FKBP15: variants seen among roughly 807,000 people sequenced by gnomAD.
FKBP15 encodes the protein FK506-binding protein 15.
In FKBP15, 106 loss-of-function variants were observed where a neutral mutation model predicts 158.1. That is an observed-to-expected ratio of 0.67 (90% CI 0.57 to 0.79). The LOEUF is 0.79. Ranked by LOEUF, FKBP15 falls within the 30% of genes least tolerant of loss-of-function variation. The pLI is 0.00. For missense variants in FKBP15, 1,287 were observed against 1,479.1 expected (o/e 0.87, Z 2.13); for synonymous variants, 547 against 548.6 (o/e 1.00, Z 0.04).
rs1314888960 is a variant in FKBP15 at position 113,169,432 on chromosome 9, A to C, written c.3277T>G (p.Ser1093Ala). 1.9e-6 allele frequency: 3 copies of C among 1,613,770 alleles called. No homozygotes were observed. In the African/African-American group the frequency reaches 4.0e-5, roughly 22 times the overall value. The change falls in exon 26 of 28, where the codon TCC (serine) becomes GCC (alanine). Residue 1093 changes from serine to alanine, a missense_variant. Ser to Ala is a moderately conservative substitution (Grantham distance 99). Coordinates refer to ENST00000238256, the MANE Select transcript of FKBP15 (RefSeq NM_015258.2). ...VAPDGPLQES[S>A]TRLSLTSDPE... is the part of the protein sequence containing the mutation. The stretch of plus-strand genomic sequence containing the variant: ...TCTGAAGTCAGGGACAGTCTTGTGG[A>C]GCTTTCTTGTAGTGGGCCATCTGGT...
chr9:113,194,348 A>G (rs1830630724), intron 9 of FKBP15, among the ~76,000 whole-genome samples, 179 bp from the exon 10 acceptor site: 1 of 152,080 alleles, frequency 6.6e-6, no homozygotes, highest in South Asian at 2.1e-4. Context: ...GCACACCAGC[A>G]TGGCACATGT....
chr9:113,188,560 T>C, intron 12 of FKBP15, 69 bp from the exon 13 acceptor site: 2 of 1,297,116 alleles, frequency 1.5e-6, no homozygotes, highest in Non-Finnish European at 2.2e-6. Context: ...GCTGACTGTC[T>C]GCCCTAAACC....
rs578095023 is a variant in FKBP15 at position 113,169,231 on chromosome 9, G to A, written c.3478C>T (p.Arg1160Cys). Residue 1160 changes from arginine to cysteine, a missense_variant, in exon 26 of 28, where the codon CGT becomes TGT. Transcript: ENST00000238256. ...GTGCTCAGAGGAACATACCTGGAAC[G>A]CTGGGAATGATGGCTGGGTCTGAGG... ...AALRPSHHSQ[R>C]SSLSGDEEDE... The A allele has an allele frequency of 2.9e-5, 46 of 1,612,608 alleles. 2 individuals carry two copies. The South Asian group carries it at 3.2e-4, about 11-fold the overall frequency.
intron 1 of FKBP15, among the ~76,000 whole-genome samples, chr9:113,216,127 C>T (rs1239896982): frequency 1.7e-5 from 2 of 114,486 alleles, no homozygotes; most frequent in South Asian, 2.9e-4. Context: ...TAAAGCAAAC[C>T]GAAAAAAAAA....
intron 6 of FKBP15, among the ~76,000 whole-genome samples, chr9:113,201,406 T>C (rs992544918): frequency 2.0e-5 from 3 of 152,190 alleles, no homozygotes; most frequent in Non-Finnish European, 4.4e-5. Context: ...CATAAGGTAA[T>C]GATTACATCA....
chr9:113,213,143 T>C (rs1333849575), intron 1 of FKBP15, among the ~76,000 whole-genome samples: 1 of 152,146 alleles, frequency 6.6e-6, no homozygotes, highest in Non-Finnish European at 1.5e-5. Flanking sequence ...GCACAGTGGC[T>C]CATACCCGTA....
At chr9:113,187,057 C>T (rs1830497092) in intron 14 of FKBP15, 1 of 152,196 alleles carries the variant, frequency 6.6e-6, no homozygotes, top group Admixed American at 6.5e-5. Flanking sequence ...TATAACTACG[C>T]ATCCACTTAA....
In FKBP15 at chr9:113,164,412, G is replaced by T. The variant is rs956266949; in HGVS notation, c.*1666C>A. The T allele has an allele frequency of 5.3e-5, 8 of 152,230 alleles. No homozygotes were observed. The highest frequency in any genetic ancestry group is 1.7e-4 in the African/African-American group (7 of 41,442). The allele number at this position is 152,230 out of a possible 1,614,324, so 9.4% of individuals were successfully genotyped here. A position where few individuals can be genotyped will look rare whatever the true frequency, so the allele number is the denominator to read the frequency against. On this transcript the variant is annotated 3_prime_UTR_variant, in exon 28 of 28. Transcript: ENST00000238256. Reference sequence around the variant, plus strand: ...TAATTGAGTACATGCTATAAGAAAAGTAACTGTCACACGGACTTTAAGCAC... The same window carrying T: ...TAATTGAGTACATGCTATAAGAAAATTAACTGTCACACGGACTTTAAGCAC...
intron 2 of FKBP15, among the ~76,000 whole-genome samples, chr9:113,209,553 G>A (rs1234891404): frequency 6.6e-6 from 1 of 152,100 alleles, no homozygotes; most frequent in East Asian, 1.9e-4. Flanking sequence ...TTCTGTAAAG[G>A]GCCTATAGGC....
At chr9:113,210,097 CGGTG>C (rs1405594768) in intron 2 of FKBP15, among the ~76,000 whole-genome samples, 5 of 152,100 alleles carry the variant, frequency 3.3e-5, no homozygotes, top group African/African-American at 9.7e-5. Context: ...TTTGGGAGAG[CGGTG>C]TCCATATGGG....
At chr9:113,185,419 G>A (rs1323715747) in intron 15 of FKBP15, among the ~76,000 whole-genome samples, 8 of 152,170 alleles carry the variant, frequency 5.3e-5, no homozygotes, top group South Asian at 2.1e-4. Flanking sequence ...ATGAAAAAGC[G>A]TATCCCAGAT....
intron 27 of FKBP15, among the ~76,000 whole-genome samples, chr9:113,167,938 A>C (rs1420611474): frequency 1.3e-5 from 2 of 152,200 alleles, no homozygotes; most frequent in Non-Finnish European, 2.9e-5. Context: ...AGGCAGCAGG[A>C]AAGCAGGCTG....
At chr9:113,187,961 T>G in intron 13 of FKBP15, 62 bp from the exon 14 acceptor site, 1 of 1,197,812 alleles carries the variant, frequency 8.3e-7, no homozygotes, top group Non-Finnish European at 1.2e-6. Context: ...GAGTCTAGAC[T>G]AGCACCTTAC....
intron 4 of FKBP15, among the ~76,000 whole-genome samples, chr9:113,203,528 CTT>C (rs35048381): frequency 1.9e-4 from 27 of 145,038 alleles, no homozygotes; most frequent in African/African-American, 3.3e-4. Context: ...ATTAATTTTG[CTT>C]TTTTTTTTTT....
At chr9:113,176,238 A>T (rs1830297693) in intron 21 of FKBP15, among the ~76,000 whole-genome samples, 1 of 152,174 alleles carries the variant, frequency 6.6e-6, no homozygotes, top group Non-Finnish European at 1.5e-5. Context: ...ACATTTTCCT[A>T]AAAAACATTA....
intron 11 of FKBP15, among the ~76,000 whole-genome samples, chr9:113,191,611 C>A (rs1830576567): frequency 6.7e-6 from 1 of 148,518 alleles, no homozygotes; most frequent in Admixed American, 6.7e-5. Context: ...CTCTATACAC[C>A]AACATGAAAA....
intron 7 of FKBP15, among the ~76,000 whole-genome samples, 161 bp from the exon 8 acceptor site, chr9:113,199,084 C>T (rs1830739411): frequency 6.6e-6 from 1 of 152,172 alleles, no homozygotes; most frequent in Non-Finnish European, 1.5e-5. Flanking sequence ...TAGCCCACAT[C>T]ATAGCTAAAG....
chr9:113,201,566 G>C (rs1419243086), intron 6 of FKBP15, among the ~76,000 whole-genome samples: 1 of 152,230 alleles, frequency 6.6e-6, no homozygotes, highest in African/African-American at 2.4e-5. Flanking sequence ...TGGGATTAGG[G>C]ACCTTATTAA....
At chr9:113,200,113 G>C in intron 6 of FKBP15, 150 bp from the exon 7 acceptor site, 1 of 896,576 alleles carries the variant, frequency 1.1e-6, no homozygotes, top group Admixed American at 3.0e-5. Flanking sequence ...CAGTTATCTT[G>C]CCAGGGATCA....
Sources: gnomAD v4.1 joint callset for allele counts (sites outside exome capture counted in the v4.1 genomes callset) on GRCh38, gnomAD v4.1.1 for gene constraint, MANE v1.5 for transcripts, NCBI Gene and HGNC (gene_info 2026-07-23, HGNC 2026-07-21) for gene names.